The following TMOD1 variants were observed in gnomAD, a reference collection of about 807,000 sequenced individuals.
TMOD1 encodes the protein tropomodulin 1, also known as tropomodulin-1.
A neutral mutation model predicts 40.6 loss-of-function variants in TMOD1; 17 were observed. The observed-to-expected ratio is 0.42, with a 90% CI of 0.29 to 0.63. The LOEUF is 0.63. Among genes scored for constraint, TMOD1 ranks in the 20% least tolerant of loss-of-function variants. The pLI is 0.22. For synonymous variants in TMOD1, 181 were observed against 175.0 expected, an observed-to-expected ratio of 1.03 and a Z score of -0.27; for missense variants, 391 against 447.6, an observed-to-expected ratio of 0.87 and a Z score of 1.14.
At chr9:97,537,900 C>G (rs1587928559) in intron 2 of TMOD1, among the ~76,000 whole-genome samples, 1 of 152,280 alleles carries the variant, frequency 6.6e-6, no homozygotes, top group East Asian at 1.9e-4. Context: ...TTGCTAGGAA[C>G]CTTAGATCAG....
rs761714651 is a variant in TMOD1, at chr9:97,555,691, C to G, written c.397+2291C>G. On this transcript the variant is annotated intron_variant, in intron 4 of 9. Transcript: ENST00000259365. ...GGAGGGACTGAACACTTTTGACCAC[C>G]TACCATGTCCCAGGTTCTATGTGAG... The G allele has an allele frequency of 5.2e-5, 80 of 1,550,530 alleles. No individual in the cohort carries two copies. The South Asian group carries it at 9.3e-4, about 18-fold the overall frequency.
intron 8 of TMOD1, among the ~76,000 whole-genome samples, chr9:97,586,661 TGTGG>T (rs1377244253): frequency 1.3e-5 from 2 of 149,582 alleles, no homozygotes; most frequent in African/African-American, 4.9e-5. Flanking sequence ...AGCGAGACTC[TGTGG>T]GCGTAGGACC....
intron 1 of TMOD1, among the ~76,000 whole-genome samples, chr9:97,518,418 C>T (rs560012444): frequency 6.3e-4 from 96 of 152,378 alleles, no homozygotes; most frequent in African/African-American, 2.2e-3. Flanking sequence ...GAACTGAGAG[C>T]CAACACACTT....
At chr9:97,506,162 TG>T (rs1829587683) in intron 1 of TMOD1, among the ~76,000 whole-genome samples, 1 of 152,184 alleles carries the variant, frequency 6.6e-6, no homozygotes, top group African/African-American at 2.4e-5. Flanking sequence ...TCTGTGAACT[TG>T]TAATCACCCT....
intron 6 of TMOD1, 57 bp from the exon 7 acceptor site, chr9:97,565,791 T>C: frequency 6.9e-7 from 1 of 1,439,220 alleles, no homozygotes; most frequent in Non-Finnish European, 9.7e-7. Flanking sequence ...TCCACCTGCC[T>C]CAGCCTGTCC....
Position 97,502,550 on chromosome 9 carries a change from C to T in TMOD1, c.-49+747C>T, listed in dbSNP as rs956224048. Among the ~76,000 whole-genome samples the T allele has an allele frequency of 2.0e-5, 3 of 152,148 alleles. No homozygotes were observed. The highest frequency in any genetic ancestry group is 1.3e-4 in the Admixed American group (2 of 15,274). ...TTGGTAGCCGCGATGGAGCTGGGAG[C>T]CCAAGCCCTGAGAGCTGCAGGGCGC... On this transcript the variant is annotated intron_variant, in intron 1 of 9. Coordinates refer to ENST00000259365, the MANE Select transcript of TMOD1 (RefSeq NM_003275.4). This position sits in a 1 kb window ranked among gnomAD's most constrained non-coding sequence, Gnocchi z 6.1.
intron 1 of TMOD1, among the ~76,000 whole-genome samples, chr9:97,520,129 G>A (rs1001136380): frequency 6.6e-6 from 1 of 152,108 alleles, no homozygotes. Flanking sequence ...ACCCTTTGCA[G>A]GGCCCTGGAG....
At chr9:97,582,475 C>T (rs1175111365) in intron 8 of TMOD1, among the ~76,000 whole-genome samples, 21 of 146,538 alleles carry the variant, frequency 1.4e-4, no homozygotes, top group African/African-American at 3.1e-4. Context: ...ATTGACTTGG[C>T]GATGCAGGCT....
chr9:97,542,910 TG>T (rs77751691), intron 2 of TMOD1, among the ~76,000 whole-genome samples: 2,461 of 151,932 alleles, frequency 0.016, 123 homozygotes, highest in East Asian at 0.14. Flanking sequence ...GAGACATTTT[TG>T]GTTGTCACAA....
At chr9:97,578,682 A>G (rs1825673662) in intron 8 of TMOD1, among the ~76,000 whole-genome samples, 1 of 152,168 alleles carries the variant, frequency 6.6e-6, no homozygotes, top group African/African-American at 2.4e-5. Context: ...CATCTCTAAG[A>G]TGCAGATGCT....
intron 7 of TMOD1, among the ~76,000 whole-genome samples, chr9:97,567,430 C>T (rs952000398): frequency 2.5e-4 from 38 of 152,196 alleles, no homozygotes; most frequent in African/African-American, 9.2e-4. Context: ...TCTGTCAGGG[C>T]CCCCACCGCC....
chr9:97,568,823 TCTAC>T, intron 7 of TMOD1, 67 bp from the exon 8 acceptor site: 2 of 1,573,846 alleles, frequency 1.3e-6, no homozygotes, highest in African/African-American at 2.7e-5. Context: ...TGTCTTAGGA[TCTAC>T]CCAGAGGGGC....
Position 97,546,305 on chromosome 9 carries a change from C to A in TMOD1, c.241C>A (p.Arg81=). The change falls in exon 3 of 10, where the codon CGA becomes AGA. Residue 81 remains arginine (R), a synonymous_variant. Transcript: ENST00000259365. ...LEKQAKEFKD[R]EDLVPYTGEK... is the part of the protein sequence containing the mutation. Reference sequence around the variant, plus strand: ...AAAGCAAGCAAAGGAGTTTAAGGACCGAGAAGATCTGGTCCCCTACACAGG... The same window carrying A: ...AAAGCAAGCAAAGGAGTTTAAGGACAGAGAAGATCTGGTCCCCTACACAGG... 1 of 1,613,886 alleles carries A rather than the reference C, an allele frequency of 6.2e-7. No individual in the cohort carries two copies. Among genetic ancestry groups the A allele is most frequent in the South Asian group, 1.1e-5 (1 of 91,038 alleles).
chr9:97,579,471 G>A (rs534742941), intron 8 of TMOD1, among the ~76,000 whole-genome samples: 4 of 152,168 alleles, frequency 2.6e-5, no homozygotes, highest in African/African-American at 9.6e-5. Flanking sequence ...TTGTAGTGAC[G>A]AGTTTTCTCT....
Position 97,600,423 on chromosome 9 carries a change from T to C in TMOD1, c.*725T>C. 4.1e-6 allele frequency: 4 copies of C among 985,748 alleles called. No homozygotes were observed. Among genetic ancestry groups the C allele is most frequent in the Non-Finnish European group, 4.8e-6 (4 of 830,118 alleles). The allele number at this position is 985,748 out of a possible 1,614,324, so 61.1% of individuals were successfully genotyped here. ...AGTGTTCTTTAAGAACATTTGGGAT[T>C]TATGTACAATTTAATACTGGAGTTA... On this transcript the variant is annotated 3_prime_UTR_variant, in exon 10 of 10. Transcript: ENST00000259365.
chr9:97,561,340 T>C (rs1403088410), intron 4 of TMOD1, among the ~76,000 whole-genome samples: 1 of 152,184 alleles, frequency 6.6e-6, no homozygotes, highest in African/African-American at 2.4e-5. Context: ...AGAGGGTTAT[T>C]GGGCAGATCA....
intron 9 of TMOD1, among the ~76,000 whole-genome samples, chr9:97,592,678 G>A (rs946517033): frequency 6.6e-6 from 1 of 152,184 alleles, no homozygotes; most frequent in Admixed American, 6.5e-5. Context: ...GTGTAGGAGT[G>A]AATGCTCAAG....
chr9:97,518,581 T>C (rs965022791), intron 1 of TMOD1, among the ~76,000 whole-genome samples: 1 of 152,256 alleles, frequency 6.6e-6, no homozygotes, highest in Non-Finnish European at 1.5e-5. Flanking sequence ...TGGGACCTTG[T>C]CACTGGCCTT....
At chr9:97,574,716 C>T (rs1287423963) in intron 8 of TMOD1, among the ~76,000 whole-genome samples, 2 of 152,248 alleles carry the variant, frequency 1.3e-5, no homozygotes, top group African/African-American at 4.8e-5. Flanking sequence ...CTGTATCTAG[C>T]TCAAGGTTTG....
Sources: allele counts gnomAD v4.1 joint callset (sites outside exome capture counted in the v4.1 genomes callset), GRCh38; gene constraint gnomAD v4.1.1; non-coding constraint Gnocchi (gnomAD v3.1); transcripts MANE v1.5; gene names NCBI Gene and HGNC (gene_info 2026-07-23, HGNC 2026-07-21).